Variants in NAV3 observed in about 807,000 individuals in gnomAD.
NAV3 encodes the protein pore membrane and/or filament interacting like protein 1.
In NAV3, 87 loss-of-function variants were observed where a neutral mutation model predicts 244.7. The ratio of observed to expected loss-of-function variants is 0.36; its 90% CI spans 0.30 to 0.42. NAV3 has a LOEUF of 0.42. NAV3 is among the 20% of genes least tolerant of loss of function. NAV3 has a pLI of 1.00. For synonymous variants in NAV3, 1,126 were observed against 1,042.2 expected, an observed-to-expected ratio of 1.08 and a Z score of -1.55; for missense variants, 2,663 against 2,893.3, an observed-to-expected ratio of 0.92 and a Z score of 1.83.
intron 32 of NAV3, 97 bp from the exon 33 acceptor site, chr12:78,188,512 T>A: frequency 7.7e-7 from 1 of 1,291,404 alleles, no homozygotes; most frequent in Non-Finnish European, 1.1e-6. Flanking sequence ...ATTTCTAATA[T>A]TCTTGACAAC....
At chr12:78,086,265 T>G (rs1953633419) in intron 12 of NAV3, among the ~76,000 whole-genome samples, 1 of 152,094 alleles carries the variant, frequency 6.6e-6, no homozygotes. Context: ...TTACATTTGT[T>G]TTAATAGGAG....
At chr12:77,941,933 A>G (rs544481111) in intron 3 of NAV3, among the ~76,000 whole-genome samples, 1 of 152,372 alleles carries the variant, frequency 6.6e-6, no homozygotes, top group South Asian at 2.1e-4. Context: ...GAATTTAATG[A>G]GTTCTTAGTT....
intron 2 of NAV3, among the ~76,000 whole-genome samples, chr12:77,630,550 G>A (rs190378071): frequency 1.3e-5 from 2 of 152,226 alleles, no homozygotes; most frequent in East Asian, 1.9e-4. Context: ...CTTCAGATCA[G>A]CTTCTCCTCC....
intron 2 of NAV3, among the ~76,000 whole-genome samples, chr12:77,708,239 A>G (rs1010730242): frequency 2.0e-5 from 3 of 152,154 alleles, no homozygotes; most frequent in East Asian, 1.9e-4. Context: ...TTTGTATAAG[A>G]TATAAGGAAG....
At chr12:78,126,294 C>A (rs1260285111) in intron 16 of NAV3, among the ~76,000 whole-genome samples, 1 of 152,126 alleles carries the variant, frequency 6.6e-6, no homozygotes, top group Non-Finnish European at 1.5e-5. Flanking sequence ...CCCCATTATG[C>A]GTATCCTGTG....
chr12:78,188,908 A>G (rs1259595822), intron 33 of NAV3, 131 bp downstream of exon 33: 8 of 710,726 alleles, frequency 1.1e-5, no homozygotes, highest in African/African-American at 1.8e-5. Context: ...TTAAAAATCA[A>G]TATGACTCAT....
At chr12:78,127,248 T>C (rs770152253) in intron 17 of NAV3, 40 bp downstream of exon 17, 8 of 1,581,422 alleles carry the variant, frequency 5.1e-6, no homozygotes, top group Non-Finnish European at 6.9e-6. Flanking sequence ...CTCTCTGTTG[T>C]TATGTAAACT....
chr12:77,685,473 G>GCGCACA (rs1555194535), intron 2 of NAV3, among the ~76,000 whole-genome samples: 1 of 42,596 alleles, frequency 2.3e-5, no homozygotes, highest in African/African-American at 4.8e-5. Flanking sequence ...GCATACACAT[G>GCGCACA]CACACACACA....
intron 1 of NAV3, among the ~76,000 whole-genome samples, chr12:77,838,194 C>T (rs1010977499): frequency 6.6e-6 from 1 of 152,276 alleles, no homozygotes; most frequent in Middle Eastern, 3.4e-3. Context: ...GTTAAACTGT[C>T]GTGGTCATTT....
chr12:77,579,417 G>A (rs1811978954), intron 2 of NAV3, among the ~76,000 whole-genome samples: 1 of 152,232 alleles, frequency 6.6e-6, no homozygotes, highest in Non-Finnish European at 1.5e-5. Flanking sequence ...TTGGCTCACA[G>A]ATCTGGATGC....
intron 23 of NAV3, among the ~76,000 whole-genome samples, chr12:78,167,746 T>C (rs924440955): frequency 6.6e-6 from 1 of 151,752 alleles, no homozygotes; most frequent in East Asian, 1.9e-4. Context: ...TACCAAGGAA[T>C]TCTCCCTCTA....
chr12:77,963,136 G>A lies in NAV3; in HGVS notation c.415-3093G>A, dbSNP rs527496462. On this transcript the variant is annotated intron_variant, in intron 3 of 39. Coordinates refer to ENST00000397909, the MANE Select transcript of NAV3 (RefSeq NM_001024383.2). ...GTTTGTAAGTTACCAAAAAGTTTTA[G>A]AGGTTTTTAGTTAAAAAAATTGACA... 2.0e-5 allele frequency among the ~76,000 whole-genome samples: 3 copies of A among 152,128 alleles called. No homozygotes were observed. The South Asian group carries it at 6.2e-4, about 31-fold the overall frequency.
chr12:77,708,516 G>C (rs1875944823), intron 2 of NAV3, among the ~76,000 whole-genome samples: 1 of 152,128 alleles, frequency 6.6e-6, no homozygotes, highest in Non-Finnish European at 1.5e-5. Flanking sequence ...TGTTCTTTTG[G>C]CTTAGGATTG....
intron 9 of NAV3, among the ~76,000 whole-genome samples, chr12:78,044,158 GT>G (rs1881357421): frequency 6.6e-6 from 1 of 152,190 alleles, no homozygotes; most frequent in Admixed American, 6.5e-5. Flanking sequence ...TGGCTAGCCA[GT>G]TTTCCCAGCA....
chr12:78,045,520 C>T (rs910948637), intron 9 of NAV3, among the ~76,000 whole-genome samples: 3 of 152,076 alleles, frequency 2.0e-5, no homozygotes, highest in Admixed American at 1.3e-4. Flanking sequence ...GTCTCAAACT[C>T]CTGACCTCGT....
chr12:77,621,108 C>G (rs1017136202), intron 2 of NAV3, among the ~76,000 whole-genome samples: 2 of 151,978 alleles, frequency 1.3e-5, no homozygotes, highest in Admixed American at 6.5e-5. Flanking sequence ...TCCTGAGGCT[C>G]AAGATTTCTG....
intron 1 of NAV3, among the ~76,000 whole-genome samples, chr12:77,905,696 C>A (rs894482767): frequency 6.6e-6 from 1 of 152,150 alleles, no homozygotes; most frequent in Non-Finnish European, 1.5e-5. Flanking sequence ...ATACAACCCA[C>A]AATCCAGGAA....
At chr12:78,056,506 A>T (rs1358083512) in intron 11 of NAV3, among the ~76,000 whole-genome samples, 1 of 152,214 alleles carries the variant, frequency 6.6e-6, no homozygotes, top group Non-Finnish European at 1.5e-5. Flanking sequence ...AGGCAGATAG[A>T]TCACCTTAAG....
chr12:78,167,364 CAT>C (rs1470803067), intron 23 of NAV3, among the ~76,000 whole-genome samples: 5 of 151,708 alleles, frequency 3.3e-5, no homozygotes, highest in Non-Finnish European at 7.4e-5. Context: ...TTCTTCCACT[CAT>C]AAGCTACTAA....
Sources: allele counts gnomAD v4.1 joint callset (sites outside exome capture counted in the v4.1 genomes callset), GRCh38; gene constraint gnomAD v4.1.1; transcripts MANE v1.5; gene names NCBI Gene and HGNC (gene_info 2026-07-23, HGNC 2026-07-21).